The following ADCY1 variants were observed in gnomAD, a reference collection of about 807,000 sequenced individuals.
ADCY1 encodes the protein adenylate cyclase 1, also known as adenylate cyclase type 1.
A neutral mutation model predicts 105.4 loss-of-function variants in ADCY1; 28 were observed. That is an observed-to-expected ratio of 0.27 (90% confidence interval 0.20 to 0.36). ADCY1 has a LOEUF of 0.36. ADCY1 is among the 10% of genes least tolerant of loss of function. The pLI is 1.00. For missense variants in ADCY1, 977 were observed against 1,434.2 expected (o/e 0.68, Z 5.15); for synonymous variants, 655 against 623.8 (o/e 1.05, Z -0.75).
chr7:45,655,473 A>T (rs1027118804), intron 5 of ADCY1, among the ~76,000 whole-genome samples: 1 of 152,262 alleles, frequency 6.6e-6, no homozygotes, highest in African/African-American at 2.4e-5. Context: ...AAATGAAGTT[A>T]AAGGTTCTGT....
chr7:45,645,869 T>G (rs1794649728), intron 4 of ADCY1, among the ~76,000 whole-genome samples: 1 of 151,966 alleles, frequency 6.6e-6, no homozygotes, highest in Non-Finnish European at 1.5e-5. Flanking sequence ...GTGGGCATTG[T>G]GGCTCTTGTG....
chr7:45,644,467 C>G (rs950668941), intron 4 of ADCY1, among the ~76,000 whole-genome samples: 1 of 152,202 alleles, frequency 6.6e-6, no homozygotes, highest in Non-Finnish European at 1.5e-5. Context: ...GCAAGCTGGC[C>G]GCAGCTCTTT....
In ADCY1 at chr7:45,703,456, C is replaced by T. The variant is rs1351391784; in HGVS notation, c.2535C>T (p.Val845=). 9 of 1,614,004 alleles carry T rather than the reference C, an allele frequency of 5.6e-6. No homozygotes were observed. The highest frequency in any genetic ancestry group is 2.2e-5 in the East Asian group (1 of 44,878). Residue 845 remains valine, a synonymous_variant, in exon 15 of 20, where the codon GTC becomes GTT. Coordinates refer to ENST00000297323, the MANE Select transcript of ADCY1 (RefSeq NM_021116.4). This position sits in a 1 kb window ranked among gnomAD's most constrained non-coding sequence, Gnocchi z 5.9. ...TCTTCAACCTCCTGCCGGCCCACGT[C>T]GCCCAGCACTTCCTCATGTCCAACC... ...RILFNLLPAH[V]AQHFLMSNPR... is the part of the protein sequence containing the mutation.
At chr7:45,698,151 A>C (rs1259142915) in intron 14 of ADCY1, among the ~76,000 whole-genome samples, 1 of 149,854 alleles carries the variant, frequency 6.7e-6, no homozygotes, top group Non-Finnish European at 1.5e-5. Context: ...ACACACAAAC[A>C]CACATACTCT....
At chr7:45,613,844 C>T (rs1793658272) in intron 3 of ADCY1, among the ~76,000 whole-genome samples, 2 of 152,122 alleles carry the variant, frequency 1.3e-5, no homozygotes, top group South Asian at 4.1e-4. Flanking sequence ...CCTTGCAGGC[C>T]AGAAGGGAGT....
rs1271464895 is a variant in ADCY1 at position 45,719,467 on chromosome 7, C to T, written c.*5472C>T. On this transcript the variant is annotated 3_prime_UTR_variant, in exon 20 of 20. Transcript: ENST00000297323. ...ATTTCAGTTGCCACACATTTTGGGG[C>T]TAGACTTCCCTAAACAACATGCCAT... is the stretch of plus-strand genomic sequence containing the variant. 1.3e-5 allele frequency: 2 copies of T among 152,230 alleles called. No individual in the cohort carries two copies. The highest frequency in any genetic ancestry group is 2.4e-5 in the African/African-American group (1 of 41,454). 9.4% of individuals were successfully genotyped at this position (152,230 alleles called of 1,614,324 possible).
chr7:45,685,160 C>T (rs1219039273), intron 12 of ADCY1, 92 bp downstream of exon 12: 1 of 1,208,216 alleles, frequency 8.3e-7, no homozygotes, highest in East Asian at 2.4e-5. Context: ...GCTGCAGAGA[C>T]AGGGAGGTCA....
intron 1 of ADCY1, among the ~76,000 whole-genome samples, chr7:45,576,617 C>T (rs1792356076): frequency 6.6e-6 from 1 of 152,138 alleles, no homozygotes; most frequent in Non-Finnish European, 1.5e-5. Context: ...GAAGGAGGCT[C>T]TTCCACAGCC....
intron 1 of ADCY1, among the ~76,000 whole-genome samples, chr7:45,579,605 G>A (rs1792462285): frequency 6.6e-6 from 1 of 152,178 alleles, no homozygotes; most frequent in Admixed American, 6.5e-5. Context: ...TGCCTACAGC[G>A]ACAGGGCTAG....
At chr7:45,608,080 TCC>T (rs1793429516) in intron 2 of ADCY1, among the ~76,000 whole-genome samples, 1 of 152,242 alleles carries the variant, frequency 6.6e-6, no homozygotes. Context: ...CACCAAATGT[TCC>T]CTTTTCTCCA....
chr7:45,654,948 C>T (rs1794898944), intron 5 of ADCY1, among the ~76,000 whole-genome samples: 1 of 147,580 alleles, frequency 6.8e-6, no homozygotes, highest in South Asian at 2.1e-4. Context: ...CCCTGCCCTT[C>T]CCGCCACACA....
chr7:45,667,859 T>C (rs1341484630), intron 8 of ADCY1, among the ~76,000 whole-genome samples: 1 of 152,218 alleles, frequency 6.6e-6, no homozygotes, highest in East Asian at 1.9e-4. Context: ...CCTTGTAAGT[T>C]GGATTCCTAG....
At chr7:45,617,348 G>A (rs1287789732) in intron 3 of ADCY1, among the ~76,000 whole-genome samples, 2 of 152,192 alleles carry the variant, frequency 1.3e-5, no homozygotes, top group Admixed American at 6.5e-5. Context: ...CTTGAGTTGG[G>A]TGCGGGCTTG....
chr7:45,670,632 C>T (rs1784347977), intron 8 of ADCY1, among the ~76,000 whole-genome samples: 1 of 151,658 alleles, frequency 6.6e-6, no homozygotes, highest in Non-Finnish European at 1.5e-5. Flanking sequence ...TTCCCTGATC[C>T]AGGGTGGACC....
Position 45,712,896 on chromosome 7 carries a change from G to A in ADCY1, c.3058-797G>A, listed in dbSNP as rs148388477. ...TTCTTTGAGCTAGAATACTGGTTGC[G>A]AACCTGTCAAGAAATGTCTCTGTTT... On this transcript the variant is annotated intron_variant, in intron 19 of 19. Coordinates refer to ENST00000297323, the MANE Select transcript of ADCY1 (RefSeq NM_021116.4). Among the ~76,000 whole-genome samples, 26 of 152,158 alleles carry A rather than the reference G, an allele frequency of 1.7e-4. No individual in the cohort carries two copies. In the East Asian group the frequency reaches 4.1e-3, roughly 24 times the overall value.
chr7:45,579,152 A>G (rs569784709), intron 1 of ADCY1, among the ~76,000 whole-genome samples: 9 of 152,242 alleles, frequency 5.9e-5, no homozygotes, highest in African/African-American at 2.2e-4. Context: ...ATAGGGCTCA[A>G]GGGCCCTGGA....
At chr7:45,634,261 C>A (rs1794338617) in intron 4 of ADCY1, among the ~76,000 whole-genome samples, 1 of 152,036 alleles carries the variant, frequency 6.6e-6, no homozygotes, top group Non-Finnish European at 1.5e-5. Context: ...CTAGAACCAC[C>A]AGTACAATGT....
intron 4 of ADCY1, among the ~76,000 whole-genome samples, chr7:45,633,283 C>T (rs1017068171): frequency 1.3e-5 from 2 of 152,082 alleles, no homozygotes; most frequent in Non-Finnish European, 1.5e-5. Flanking sequence ...ATACAGTTGA[C>T]CCTTGAACAT....
At chr7:45,580,719 A>C (rs1331775848) in intron 1 of ADCY1, among the ~76,000 whole-genome samples, 2 of 152,192 alleles carry the variant, frequency 1.3e-5, no homozygotes, top group African/African-American at 4.8e-5. Flanking sequence ...CAAAGGCCCA[A>C]GTGGGGCAAA....
Sources: gnomAD v4.1 joint callset for allele counts (sites outside exome capture counted in the v4.1 genomes callset) on GRCh38, gnomAD v4.1.1 for gene constraint, Gnocchi (gnomAD v3.1) non-coding constraint, MANE v1.5 for transcripts, NCBI Gene and HGNC (gene_info 2026-07-23, HGNC 2026-07-21) for gene names.